DYNC2I1: variants seen among roughly 807,000 people sequenced by gnomAD.
The protein encoded by DYNC2I1 is dynein 2 intermediate chain 1.
DYNC2I1 carries 89 observed loss-of-function variants against 133.4 expected under a neutral mutation model. The observed-to-expected ratio is 0.67, with a 90% CI of 0.56 to 0.80. The LOEUF is 0.80. Ranked by LOEUF, DYNC2I1 falls within the 30% of genes least tolerant of loss-of-function variation. The probability of loss-of-function intolerance (pLI) is 0.00; values close to 1 mark genes in which losing one functional copy is unlikely to be tolerated. For synonymous variants in DYNC2I1, 504 were observed against 484.3 expected, an observed-to-expected ratio of 1.04 and a Z score of -0.54; for missense variants, 1,291 against 1,314.5, an observed-to-expected ratio of 0.98 and a Z score of 0.28.
chr7:158,945,691 G>A lies in DYNC2I1; in HGVS notation c.3113G>A (p.Arg1038Gln), dbSNP rs778079992. 12 of 1,612,248 alleles carry A rather than the reference G, an allele frequency of 7.4e-6. No individual in the cohort carries two copies. The highest frequency in any genetic ancestry group is 2.2e-5 in the East Asian group (1 of 44,826). ...GSIDIQHLKR[R>Q]WAAPEVDECN... ...ATCGACATCCAGCACCTGAAGAGGCGGTGGGCGGCCCCGGAGGTGGACGAG... is the reference window on the plus strand; with the variant it reads ...ATCGACATCCAGCACCTGAAGAGGCAGTGGGCGGCCCCGGAGGTGGACGAG... Residue 1038 changes from arginine to glutamine, a missense_variant, in exon 25 of 25, where the codon CGG becomes CAG. Physicochemically the swap from Arg to Gln is conservative, Grantham distance 43. Transcript: ENST00000407559. The surrounding 1 kb of genome is among the most constrained non-coding windows in gnomAD (Gnocchi z 4.1).
intron 8 of DYNC2I1, among the ~76,000 whole-genome samples, chr7:158,894,519 C>T (rs1349681714): frequency 6.6e-6 from 1 of 152,170 alleles, no homozygotes; most frequent in Admixed American, 6.5e-5. Flanking sequence ...CTCTTCAAGG[C>T]TTTTAATAAC....
At chr7:158,879,518 A>G (rs2129478705) in intron 4 of DYNC2I1, among the ~76,000 whole-genome samples, 166 bp from the exon 5 acceptor site, 1 of 152,280 alleles carries the variant, frequency 6.6e-6, no homozygotes, top group Admixed American at 6.5e-5. Flanking sequence ...TTAGGGTGTA[A>G]TGACAAGGAA....
chr7:158,931,581 A>G (rs1472494092), intron 21 of DYNC2I1, among the ~76,000 whole-genome samples: 2 of 152,084 alleles, frequency 1.3e-5, no homozygotes, highest in African/African-American at 4.8e-5. Flanking sequence ...ATTGCTTTAT[A>G]TGGTGCATTG....
intron 7 of DYNC2I1, among the ~76,000 whole-genome samples, chr7:158,890,951 A>G (rs910429673): frequency 1.3e-5 from 2 of 152,220 alleles, no homozygotes; most frequent in Non-Finnish European, 2.9e-5. Context: ...TTTCTTCATC[A>G]GATGCAGGGA....
intron 7 of DYNC2I1, among the ~76,000 whole-genome samples, chr7:158,889,122 C>T (rs1207829389): frequency 6.7e-6 from 1 of 148,728 alleles, no homozygotes; most frequent in Admixed American, 6.8e-5. Flanking sequence ...GCTTTGTCAC[C>T]CAGGCTGGAG....
intron 5 of DYNC2I1, among the ~76,000 whole-genome samples, chr7:158,883,377 T>G (rs975018107): frequency 1.4e-5 from 2 of 145,028 alleles, no homozygotes; most frequent in Non-Finnish European, 3.1e-5. Flanking sequence ...ATCTGGCTTA[T>G]TATTATTTTT....
chr7:158,920,483 G>A (rs1428118421), intron 15 of DYNC2I1, among the ~76,000 whole-genome samples: 4 of 151,872 alleles, frequency 2.6e-5, no homozygotes. Flanking sequence ...CCTCCATCAG[G>A]GAACACATGA....
In DYNC2I1 at chr7:158,893,001, A is replaced by G. The variant is rs554415220; in HGVS notation, c.1059+1668A>G. Among the ~76,000 whole-genome samples the G allele has an allele frequency of 5.9e-5, 9 of 151,552 alleles. No homozygotes were observed. The East Asian group carries it at 1.8e-3, about 29-fold the overall frequency. ...ATTTCCCATATACCCCCTCGCCCCC[A>G]CACATGAATAGCCTCCCCTATTATC... On this transcript the variant is annotated intron_variant, in intron 8 of 24. Transcript: ENST00000407559.
Position 158,905,975 on chromosome 7 carries a change from T to C in DYNC2I1, c.1358-14T>C. On this transcript the variant is annotated splice_polypyrimidine_tract_variant and intron_variant, in intron 10 of 24. Coordinates refer to ENST00000407559, the MANE Select transcript of DYNC2I1 (RefSeq NM_018051.5). ...TTCCGTGTTGGAAAAATAGTGTTTT[T>C]CTCCCTCACACAGATACAAACAGTT... 6.2e-7 allele frequency: 1 copy of C among 1,601,428 alleles called. No individual in the cohort carries two copies. Among genetic ancestry groups the C allele is most frequent in the Non-Finnish European group, 8.5e-7 (1 of 1,174,620 alleles).
rs754268838 is a variant in DYNC2I1 at position 158,945,668 on chromosome 7, C to T, written c.3090C>T (p.Ile1030=). 13 of 1,612,448 alleles carry T rather than the reference C, an allele frequency of 8.1e-6. No individual in the cohort carries two copies. The highest frequency in any genetic ancestry group is 3.3e-5 in the South Asian group (3 of 90,716). ...TGCTGGCCAGGGCGTCTGGCTCCAT[C>T]GACATCCAGCACCTGAAGAGGCGGT... ...ALVLARASGS[I]DIQHLKRRWA... Residue 1030 remains isoleucine (I), a synonymous_variant, in exon 25 of 25, where the codon ATC becomes ATT. Coordinates refer to ENST00000407559, the MANE Select transcript of DYNC2I1 (RefSeq NM_018051.5). The surrounding 1 kb of genome is among the most constrained non-coding windows in gnomAD (Gnocchi z 4.1).
At position 158,926,977 on chromosome 7, in the gene DYNC2I1, A is replaced by G. The variant is rs773963424; in HGVS notation, c.2434-15A>G. 3.2e-6 allele frequency: 5 copies of G among 1,581,828 alleles called. No homozygotes were observed. Among genetic ancestry groups the G allele is most frequent in the East Asian group, 2.3e-5 (1 of 44,200 alleles). On this transcript the variant is annotated splice_polypyrimidine_tract_variant and intron_variant, in intron 19 of 24. Coordinates refer to ENST00000407559, the MANE Select transcript of DYNC2I1 (RefSeq NM_018051.5). ...TAAAATGTATCAATATTCATTTTCA[A>G]TATTCTGTTTTTAGGTGGTTGTTGA...
In DYNC2I1 at chr7:158,876,697, C is replaced by A; in HGVS notation, c.573+6C>A. On this transcript the variant is annotated splice_donor_region_variant and intron_variant, in intron 4 of 24. Transcript: ENST00000407559. ...GAAGATACCGAGAAAGAAAGGTATA[C>A]GAAGCAAGGCCTGGGGAAAAGTTTT... is the stretch of plus-strand genomic sequence containing the variant. The A allele has an allele frequency of 1.3e-6, 2 of 1,553,624 alleles. No homozygotes were observed. The highest frequency in any genetic ancestry group is 1.7e-6 in the Non-Finnish European group (2 of 1,158,412).
chr7:158,957,617 T>C (rs912754949), downstream of DYNC2I1, among the ~76,000 whole-genome samples: 1 of 152,144 alleles, frequency 6.6e-6, no homozygotes, highest in Admixed American at 6.5e-5. Context: ...ATCTCAGCGA[T>C]TCCAGCTGGG....
At chr7:158,935,927 C>T (rs762945173) in intron 23 of DYNC2I1, among the ~76,000 whole-genome samples, 3 of 152,104 alleles carry the variant, frequency 2.0e-5, no homozygotes, top group East Asian at 1.9e-4. Context: ...TATCTGGGCA[C>T]GGTGGCCCAA....
At chr7:158,859,525 C>CA (rs1563066662) in intron 1 of DYNC2I1, among the ~76,000 whole-genome samples, 1 of 151,982 alleles carries the variant, frequency 6.6e-6, no homozygotes, top group African/African-American at 2.4e-5. Flanking sequence ...TTTTTTGAGA[C>CA]AGAGTCTCGC....
At position 158,891,315 on chromosome 7, in the gene DYNC2I1, G is replaced by A. The variant is rs202014035; in HGVS notation, c.1041G>A (p.Pro347=). 81 of 1,614,040 alleles carry A rather than the reference G, an allele frequency of 5.0e-5. No individual in the cohort carries two copies. The highest frequency in any genetic ancestry group is 3.6e-4 in the African/African-American group (27 of 75,072). The part of the protein sequence containing the change: ...SSVWWKLDQR[P]GGEETVEIEK... ...TGTGGTGGAAGCTGGACCAGAGGCC[G>A]GGAGGCGAGGAAACCGTGGTAAGGA... Residue 347 remains proline (P), a synonymous_variant, in exon 8 of 25, where the codon CCG becomes CCA. Coordinates refer to ENST00000407559, the MANE Select transcript of DYNC2I1 (RefSeq NM_018051.5).
chr7:158,914,616 G>T (rs75293985), intron 14 of DYNC2I1, among the ~76,000 whole-genome samples: 1 of 152,138 alleles, frequency 6.6e-6, no homozygotes, highest in Non-Finnish European at 1.5e-5. Flanking sequence ...TAGCAGACAC[G>T]AAGTTGGCAA....
the DYNC2I1 span, among the ~76,000 whole-genome samples, chr7:158,850,822 A>G: frequency 1.3e-5 from 2 of 152,174 alleles, no homozygotes; most frequent in African/African-American, 4.8e-5. Flanking sequence ...AATAGTTTAC[A>G]TAGGATCTTG....
intron 1 of DYNC2I1, among the ~76,000 whole-genome samples, chr7:158,865,512 T>C (rs1490919553): frequency 6.6e-6 from 1 of 152,220 alleles, no homozygotes; most frequent in Non-Finnish European, 1.5e-5. Flanking sequence ...TTGCTTGCCA[T>C]GTGCATGAAG....
Sources: gnomAD v4.1 joint callset for allele counts (sites outside exome capture counted in the v4.1 genomes callset) on GRCh38, gnomAD v4.1.1 for gene constraint, Gnocchi (gnomAD v3.1) non-coding constraint, MANE v1.5 for transcripts, NCBI Gene and HGNC (gene_info 2026-07-23, HGNC 2026-07-21) for gene names.